The following GPC5 variants were observed in gnomAD, a reference collection of about 807,000 sequenced individuals.
GPC5 encodes glypican-5.
A neutral mutation model predicts 53.9 loss-of-function variants in GPC5; 47 were observed. The ratio of observed to expected loss-of-function variants is 0.87; its 90% confidence interval spans 0.69 to 1.11. The LOEUF (loss-of-function observed/expected upper bound fraction) is 1.11, where lower values mean the gene tolerates loss of function less well. GPC5 is among the 50% of genes most tolerant of loss of function. The pLI is 0.00. For synonymous variants in GPC5, 286 were observed against 263.3 expected, an observed-to-expected ratio of 1.09 and a Z score of -0.84; for missense variants, 748 against 713.1, an observed-to-expected ratio of 1.05 and a Z score of -0.56.
intron 6 of GPC5, among the ~76,000 whole-genome samples, chr13:91,910,369 G>A (rs2039598141): frequency 6.6e-6 from 1 of 152,202 alleles, no homozygotes; most frequent in African/African-American, 2.4e-5. Flanking sequence ...TAATTTAGGA[G>A]TAGGGCCATG....
At chr13:92,547,205 A>G (rs2139010293) in intron 7 of GPC5, among the ~76,000 whole-genome samples, 1 of 152,350 alleles carries the variant, frequency 6.6e-6, no homozygotes, top group East Asian at 1.9e-4. Context: ...TATTAATGTT[A>G]GTGAAAATGA....
intron 7 of GPC5, among the ~76,000 whole-genome samples, chr13:92,484,988 G>A (rs749689697): frequency 6.6e-5 from 10 of 151,968 alleles, no homozygotes; most frequent in Non-Finnish European, 1.3e-4. Flanking sequence ...CACCTGCCTC[G>A]GCCTCCCAAA....
At chr13:92,713,388 C>T (rs924976090) in intron 7 of GPC5, among the ~76,000 whole-genome samples, 23 of 146,778 alleles carry the variant, frequency 1.6e-4, no homozygotes, top group Non-Finnish European at 3.0e-4. Flanking sequence ...GTCAGGAGAT[C>T]GAGACCATCC....
At chr13:91,884,515 A>G (rs905903368) in intron 5 of GPC5, among the ~76,000 whole-genome samples, 2 of 152,246 alleles carry the variant, frequency 1.3e-5, no homozygotes, top group South Asian at 2.1e-4. Flanking sequence ...CAAATACTGC[A>G]TGTTCTCACT....
At position 92,467,769 on chromosome 13, in the gene GPC5, G is replaced by A. The variant is rs1026215663; in HGVS notation, c.1561+322780G>A. ...TAGGTTTAGTTTTGAGAACACAAAG[G>A]AGACTTGTGAACTTTAAATTCCCTC... On this transcript the variant is annotated intron_variant, in intron 7 of 7. Coordinates refer to ENST00000377067, the MANE Select transcript of GPC5 (RefSeq NM_004466.6). 1.1e-4 allele frequency among the ~76,000 whole-genome samples: 16 copies of A among 152,188 alleles called. No individual in the cohort carries two copies. In the East Asian group the frequency reaches 3.1e-3, roughly 29 times the overall value.
intron 6 of GPC5, among the ~76,000 whole-genome samples, chr13:91,962,121 A>C (rs2040131805): frequency 6.6e-6 from 1 of 152,126 alleles, no homozygotes; most frequent in African/African-American, 2.4e-5. Flanking sequence ...GTGTTTATTA[A>C]ATTTCATAGC....
At chr13:91,525,728 A>C (rs1886055083) in intron 2 of GPC5, among the ~76,000 whole-genome samples, 1 of 152,104 alleles carries the variant, frequency 6.6e-6, no homozygotes, top group Non-Finnish European at 1.5e-5. Context: ...ATATATGTAG[A>C]GCTCTGGATT....
At chr13:92,287,803 C>G (rs1218641672) in intron 7 of GPC5, among the ~76,000 whole-genome samples, 1 of 152,022 alleles carries the variant, frequency 6.6e-6, no homozygotes, top group East Asian at 1.9e-4. Context: ...TTCATGTCTT[C>G]CATCAAATTT....
At chr13:92,702,900 C>T (rs1389941121) in intron 7 of GPC5, among the ~76,000 whole-genome samples, 1 of 151,836 alleles carries the variant, frequency 6.6e-6, no homozygotes, top group Non-Finnish European at 1.5e-5. Flanking sequence ...CTTGGCTCCC[C>T]CAACCCGGCA....
At chr13:91,425,131 C>T (rs911158639) in intron 1 of GPC5, among the ~76,000 whole-genome samples, 1 of 152,156 alleles carries the variant, frequency 6.6e-6, no homozygotes, top group Non-Finnish European at 1.5e-5. Flanking sequence ...AATATCATTT[C>T]TTGACAGCCT....
At chr13:92,378,234 G>A (rs2043710503) in intron 7 of GPC5, among the ~76,000 whole-genome samples, 1 of 152,088 alleles carries the variant, frequency 6.6e-6, no homozygotes, top group Admixed American at 6.5e-5. Context: ...ACAGTTATCA[G>A]GGTATTCTTG....
chr13:92,387,346 T>G (rs1874780943), intron 7 of GPC5, among the ~76,000 whole-genome samples: 1 of 152,120 alleles, frequency 6.6e-6, no homozygotes, highest in Non-Finnish European at 1.5e-5. Context: ...AACTATCATG[T>G]TGCGTAGGTT....
intron 7 of GPC5, among the ~76,000 whole-genome samples, chr13:92,181,446 A>T (rs1352378683): frequency 2.0e-5 from 3 of 152,344 alleles, no homozygotes; most frequent in African/African-American, 7.2e-5. Flanking sequence ...TAGATAATTA[A>T]TGCTTTGAAT....
chr13:91,643,239 T>C (rs181278768), intron 2 of GPC5, among the ~76,000 whole-genome samples: 3 of 151,004 alleles, frequency 2.0e-5, no homozygotes, highest in South Asian at 2.2e-4. Context: ...AGAGTGTAGA[T>C]TGGTATAAAA....
intron 7 of GPC5, among the ~76,000 whole-genome samples, chr13:92,585,130 A>G (rs1883498818): frequency 3.3e-5 from 5 of 152,030 alleles, no homozygotes; most frequent in Admixed American, 2.6e-4. Context: ...TGCTATGAGA[A>G]GAGGGCCACT....
At chr13:92,047,632 C>T (rs2040993397) in intron 6 of GPC5, among the ~76,000 whole-genome samples, 1 of 150,426 alleles carries the variant, frequency 6.6e-6, no homozygotes, top group African/African-American at 2.4e-5. Context: ...TATTTTAAAC[C>T]CTCTAACTCA....
rs565781379 is a variant in GPC5 at position 92,052,265 on chromosome 13, G to T, written c.1402-92565G>T. On this transcript the variant is annotated intron_variant, in intron 6 of 7. Transcript: ENST00000377067. ...TAAGGTTGCCTGTAGTGTGCCCGGG[G>T]TTGGTTCCTTCTGGTGGGTTCTTGG... Among the ~76,000 whole-genome samples the T allele has an allele frequency of 8.5e-4, 130 of 152,278 alleles. 1 individual carries two copies. The Middle Eastern group carries it at 0.034, about 40-fold the overall frequency.
intron 5 of GPC5, among the ~76,000 whole-genome samples, chr13:91,826,245 A>T (rs1286505610): frequency 1.3e-5 from 2 of 152,116 alleles, no homozygotes; most frequent in African/African-American, 4.8e-5. Flanking sequence ...GTCATATTAA[A>T]TACGTTCAAG....
At chr13:92,503,446 A>G (rs948165880) in intron 7 of GPC5, among the ~76,000 whole-genome samples, 2 of 151,676 alleles carry the variant, frequency 1.3e-5, no homozygotes, top group African/African-American at 2.4e-5. Context: ...AAAAGAAGAA[A>G]AGCTTGACAT....
Sources: allele counts gnomAD v4.1 joint callset (sites outside exome capture counted in the v4.1 genomes callset), GRCh38; gene constraint gnomAD v4.1.1; transcripts MANE v1.5; gene names NCBI Gene and HGNC (gene_info 2026-07-23, HGNC 2026-07-21).